Variants in DENND1A observed in about 807,000 individuals in gnomAD.
The protein encoded by DENND1A is DENN domain containing 1A.
Under a neutral mutation model 113.7 loss-of-function variants are expected in DENND1A, and 51 were observed. That is an observed-to-expected ratio of 0.45 (90% confidence interval 0.36 to 0.57). DENND1A has a LOEUF of 0.57. Ranked by LOEUF, DENND1A falls within the 20% of genes least tolerant of loss-of-function variation. DENND1A has a pLI of 0.00. For synonymous variants in DENND1A, 565 were observed against 570.8 expected, an observed-to-expected ratio of 0.99 and a Z score of 0.14; for missense variants, 1,258 against 1,395.9, an observed-to-expected ratio of 0.90 and a Z score of 1.57.
intron 2 of DENND1A, among the ~76,000 whole-genome samples, chr9:123,871,976 T>C (rs2670139): frequency 0.42 from 63,240 of 152,048 alleles, 17,975 homozygotes; most frequent in African/African-American, 0.81. Context: ...GTGGCCAGTG[T>C]CATCTGATCA....
At chr9:123,457,235 C>CAGT in intron 15 of DENND1A, 113 bp downstream of exon 15, 1 of 790,006 alleles carries the variant, frequency 1.3e-6, no homozygotes, top group East Asian at 2.5e-5. Context: ...AGCTTGAAAG[C>CAGT]AGTCTCTTCC....
intron 8 of DENND1A, among the ~76,000 whole-genome samples, chr9:123,657,079 G>T (rs1027307955): frequency 6.6e-6 from 1 of 152,190 alleles, no homozygotes; most frequent in African/African-American, 2.4e-5. Context: ...TCTGAGGAAG[G>T]TCTCTGGACA....
intron 4 of DENND1A, chr9:123,759,665 T>A (rs1471828934): frequency 2.6e-5 from 4 of 152,228 alleles, no homozygotes; most frequent in Admixed American, 2.0e-4. Flanking sequence ...CCTTAAGTGA[T>A]CCGCTTGCCT....
intron 12 of DENND1A, 61 bp downstream of exon 12, chr9:123,583,108 T>C: frequency 7.8e-7 from 1 of 1,286,488 alleles, no homozygotes; most frequent in Non-Finnish European, 1.1e-6. Flanking sequence ...TTCCCCAAAG[T>C]CACGTTCATT....
Position 123,630,474 on chromosome 9 carries a change from C to G in DENND1A, c.621G>C (p.Leu207=). ...CCGCAGACCCGTGGATGCAGGCAGT[C>G]AGCTGGAACAGAGCAAAGCAGAGAT... ...ILIICSKLST[L]TACIHGSAAM... is the part of the protein sequence containing the mutation. The change falls in exon 10 of 24, where the codon CTG becomes CTC. Residue 207 remains leucine (L), a splice_region_variant and synonymous_variant. Transcript: ENST00000394215. 6.3e-7 allele frequency: 1 copy of G among 1,576,832 alleles called. No homozygotes were observed. The highest frequency in any genetic ancestry group is 1.2e-5 in the South Asian group (1 of 86,272).
intron 8 of DENND1A, 71 bp downstream of exon 8, chr9:123,666,955 T>C (rs2063521598): frequency 7.3e-7 from 1 of 1,377,592 alleles, no homozygotes. Context: ...ACATCCTTTA[T>C]TTATTCAAAC....
At chr9:123,467,981 C>G (rs745398385) in intron 13 of DENND1A, among the ~76,000 whole-genome samples, 1 of 152,150 alleles carries the variant, frequency 6.6e-6, no homozygotes, top group Non-Finnish European at 1.5e-5. Flanking sequence ...CTTGGGGAAA[C>G]CTTACTTGAA....
chr9:123,801,493 G>A (rs1834656934), intron 2 of DENND1A, among the ~76,000 whole-genome samples: 1 of 152,246 alleles, frequency 6.6e-6, no homozygotes, highest in African/African-American at 2.4e-5. Flanking sequence ...ACATTCCATT[G>A]TATGTAGATA....
chr9:123,463,312 C>G (rs376516446), intron 13 of DENND1A, among the ~76,000 whole-genome samples: 7 of 152,254 alleles, frequency 4.6e-5, no homozygotes, highest in African/African-American at 1.7e-4. Flanking sequence ...TGGAATCCAT[C>G]GGAAACACTA....
At position 123,662,644 on chromosome 9, in the gene DENND1A, G is replaced by A. The variant is rs148114936; in HGVS notation, c.507+4382C>T. Among the ~76,000 whole-genome samples, 37 of 152,234 alleles carry A rather than the reference G, an allele frequency of 2.4e-4. No homozygotes were observed. In the East Asian group the frequency reaches 6.8e-3, roughly 28 times the overall value. ...CAAGCACTTTCTCAAGAAAACTACT[G>A]GCGCATGTCTCACCAAAATGAGGGA... On this transcript the variant is annotated intron_variant, in intron 8 of 23. Transcript: ENST00000394215.
intron 21 of DENND1A, among the ~76,000 whole-genome samples, chr9:123,398,141 C>T (rs1359189745): frequency 6.6e-6 from 1 of 152,218 alleles, no homozygotes; most frequent in East Asian, 1.9e-4. Flanking sequence ...TGGCAGATGC[C>T]TGTAATTATC....
At chr9:123,485,650 G>GTGCGCGCACACACA (rs2050769350) in intron 13 of DENND1A, 2 of 127,462 alleles carry the variant, frequency 1.6e-5, no homozygotes, top group Admixed American at 7.2e-5. Context: ...ACACACGCGC[G>GTGCGCGCACACACA]CGCGCGCACA....
chr9:123,846,667 A>G (rs1362665772), intron 2 of DENND1A, among the ~76,000 whole-genome samples: 1 of 152,234 alleles, frequency 6.6e-6, no homozygotes, highest in Admixed American at 6.5e-5. Context: ...AGAGACAGAA[A>G]ATAGGATAGA....
intron 13 of DENND1A, among the ~76,000 whole-genome samples, chr9:123,501,949 A>G (rs1413367301): frequency 1.3e-5 from 2 of 152,114 alleles, no homozygotes; most frequent in African/African-American, 4.8e-5. Flanking sequence ...GGACCTTGTG[A>G]TAGTGTAAGT....
chr9:123,485,036 C>T (rs1428316675), intron 13 of DENND1A, among the ~76,000 whole-genome samples: 1 of 152,176 alleles, frequency 6.6e-6, no homozygotes, highest in African/African-American at 2.4e-5. Flanking sequence ...CTATAATTGT[C>T]TGTGTAGTTT....
At chr9:123,414,354 C>A (rs144009096) in intron 19 of DENND1A, 20 of 1,418,408 alleles carry the variant, frequency 1.4e-5, no homozygotes, top group African/African-American at 8.6e-5. Flanking sequence ...AGCCTCTCCC[C>A]CTCCCAGTCC....
At chr9:123,793,588 A>G (rs928960170) in intron 2 of DENND1A, among the ~76,000 whole-genome samples, 1 of 152,226 alleles carries the variant, frequency 6.6e-6, no homozygotes, top group East Asian at 1.9e-4. Flanking sequence ...CCCGTCTAAC[A>G]GTGGTCACAA....
At chr9:123,903,011 T>C (rs912118819) in intron 1 of DENND1A, among the ~76,000 whole-genome samples, 2 of 151,960 alleles carry the variant, frequency 1.3e-5, no homozygotes, top group Non-Finnish European at 2.9e-5. Context: ...TGGTTTAACA[T>C]TTGAAAATAA....
At chr9:123,688,898 TA>T (rs11430188) in intron 5 of DENND1A, among the ~76,000 whole-genome samples, 1 of 152,112 alleles carries the variant, frequency 6.6e-6, no homozygotes, top group Non-Finnish European at 1.5e-5. Flanking sequence ...AATTTGTTGT[TA>T]AAAAAACTCC....
Sources: allele counts gnomAD v4.1 joint callset (sites outside exome capture counted in the v4.1 genomes callset), GRCh38; gene constraint gnomAD v4.1.1; transcripts MANE v1.5; gene names NCBI Gene and HGNC (gene_info 2026-07-23, HGNC 2026-07-21).